Variants in DUSP6 observed in about 807,000 individuals in gnomAD.
The protein encoded by DUSP6 is dual specificity protein phosphatase 6.
Under a neutral mutation model 28.0 loss-of-function variants are expected in DUSP6, and 6 were observed. The observed-to-expected ratio is 0.21, with a 90% CI of 0.12 to 0.42. The LOEUF is 0.42. DUSP6 is among the 10% of genes least tolerant of loss of function. The pLI, the probability that DUSP6 is intolerant of heterozygous loss-of-function variation, is 1.00. For missense variants in DUSP6, 451 were observed against 498.1 expected, an observed-to-expected ratio of 0.91 and a Z score of 0.90; for synonymous variants, 252 against 217.5, an observed-to-expected ratio of 1.16 and a Z score of -1.40.
chr12:89,350,886 G>T lies in DUSP6; in HGVS notation c.540C>A (p.Ile180=). ...TGGGGTCTCGGTCAAGGTCAGACTC[G>T]ATGTCCGAGGAAGAGTCAGAGCTGA... The part of the protein sequence containing the change: ...LRISSDSSSD[I]ESDLDRDPNS... Residue 180 remains isoleucine (I), a synonymous_variant, in exon 2 of 3, where the codon ATC becomes ATA. Transcript: ENST00000279488. The T allele has an allele frequency of 6.2e-7, 1 of 1,613,952 alleles. No individual in the cohort carries two copies. Among genetic ancestry groups the T allele is most frequent in the South Asian group, 1.1e-5 (1 of 91,084 alleles).
rs1199891971 is a variant in DUSP6 at position 89,348,227 on chromosome 12, A to T, written c.*1027T>A. ...TGGGTACCCATGCTCACACACACAC[A>T]CTTCCAGTTTTATACAAATTTTTTT... On this transcript the variant is annotated 3_prime_UTR_variant, in exon 3 of 3. Transcript: ENST00000279488. 6.6e-6 allele frequency: 1 copy of T among 152,568 alleles called. No homozygotes were observed. The highest frequency in any genetic ancestry group is 2.4e-5 in the African/African-American group (1 of 41,416). The allele number at this position is 152,568 out of a possible 1,614,324, so 9.5% of individuals were successfully genotyped here. A position where few individuals can be genotyped will look rare whatever the true frequency, so the allele number is the denominator to read the frequency against.
In DUSP6 at chr12:89,352,242, G is replaced by A; in HGVS notation, c.-203C>T. 2.9e-6 allele frequency: 2 copies of A among 693,736 alleles called. No homozygotes were observed. Among genetic ancestry groups the A allele is most frequent in the Non-Finnish European group, 4.7e-6 (2 of 424,074 alleles). 43.0% of individuals were successfully genotyped at this position (693,736 alleles called of 1,614,324 possible). ...TCTCTGCACCCAGCTGCAGCCGCTG[G>A]CTCTTAGTGTCAATGAATCTCTCTC... On this transcript the variant is annotated 5_prime_UTR_variant, in exon 1 of 3. Transcript: ENST00000279488.
Position 89,351,820 on chromosome 12 carries a change from G to A in DUSP6, c.220C>T (p.Arg74Cys). 6.2e-7 allele frequency: 1 copy of A among 1,611,076 alleles called. No individual in the cohort carries two copies. Among genetic ancestry groups the A allele is most frequent in the Non-Finnish European group, 8.5e-7 (1 of 1,179,384 alleles). ...RRLQKGNLPV[R>C]ALFTRGEDRD... ...TCCTCGCCGCGCGTGAAGAGCGCGC[G>A]CACCGGCAGGTTACCCTTCTGCAGG... The change falls in exon 1 of 3, where the codon CGC becomes TGC. Residue 74 changes from arginine to cysteine, a missense_variant. By Grantham distance (180) the Arg-to-Cys change is radical. Transcript: ENST00000279488.
In DUSP6 at chr12:89,348,641, T is replaced by A. The variant is rs1879066689; in HGVS notation, c.*613A>T. On this transcript the variant is annotated 3_prime_UTR_variant, in exon 3 of 3. Coordinates refer to ENST00000279488, the MANE Select transcript of DUSP6 (RefSeq NM_001946.4). ...ATTTTCTTTTTTTGTTTTGTTCTGT[T>A]TTAAGAAGTGGCATACTGCTCTTTC... 1 of 152,662 alleles carries A rather than the reference T, an allele frequency of 6.6e-6. No individual in the cohort carries two copies. The highest frequency in any genetic ancestry group is 2.1e-4 in the South Asian group (1 of 4,838). 9.5% of individuals were successfully genotyped at this position (152,662 alleles called of 1,614,324 possible). A position where few individuals can be genotyped will look rare whatever the true frequency, so the allele number is the denominator to read the frequency against.
At chr12:89,351,105 C>G in intron 1 of DUSP6, 80 bp from the exon 2 acceptor site, 1 of 1,431,044 alleles carries the variant, frequency 7.0e-7, no homozygotes. Flanking sequence ...CAGCCCGGCG[C>G]AAGAAACACC....
In DUSP6 at chr12:89,352,048, A is replaced by G. The variant is rs777192674; in HGVS notation, c.-9T>C. On this transcript the variant is annotated 5_prime_UTR_variant, in exon 1 of 3. Transcript: ENST00000279488. ...CTGAGCGTATCTATCATGGGGGTCG[A>G]GCTGCGGGAGAGGGCGGGGTGCCTA... is the stretch of plus-strand genomic sequence containing the variant. 3 of 1,604,406 alleles carry G rather than the reference A, an allele frequency of 1.9e-6. No individual in the cohort carries two copies. Among genetic ancestry groups the G allele is most frequent in the Non-Finnish European group, 2.6e-6 (3 of 1,173,186 alleles).
intron 2 of DUSP6, among the ~76,000 whole-genome samples, chr12:89,350,044 T>C (rs78601602): frequency 0.061 from 9,233 of 152,220 alleles, 309 homozygotes; most frequent in Non-Finnish European, 0.079. Flanking sequence ...TAATAGGAAA[T>C]GCATTACAAT....
Position 89,350,999 on chromosome 12 carries a change from A to C in DUSP6, c.427T>G (p.Phe143Val). 6.2e-7 allele frequency: 1 copy of C among 1,603,450 alleles called. No individual in the cohort carries two copies. The highest frequency in any genetic ancestry group is 8.5e-7 in the Non-Finnish European group (1 of 1,176,428). Residue 143 changes from phenylalanine to valine, a missense_variant, in exon 2 of 3, where the codon TTC becomes GTC. Physicochemically the swap from Phe to Val is conservative, Grantham distance 50 (BLOSUM62 -1). Transcript: ENST00000279488. ...EGGFSKFQAE[F>V]SLHCETNLDG... ...AGATTGGTCTCGCAATGCAGGGAGA[A>C]CTCGGCTTGGAACTTACTGAAGCCA...
rs1638621708 is a variant in DUSP6, at chr12:89,349,004, G to A, written c.*250C>T. Reference sequence around the variant, plus strand: ...CGAATCCCAGTCCCTGCATGGGTAGGCTGTACACATGGGTACAGAGCAAAC... The same window carrying A: ...CGAATCCCAGTCCCTGCATGGGTAGACTGTACACATGGGTACAGAGCAAAC... On this transcript the variant is annotated 3_prime_UTR_variant, in exon 3 of 3. Coordinates refer to ENST00000279488, the MANE Select transcript of DUSP6 (RefSeq NM_001946.4). 1 of 454,392 alleles carries A rather than the reference G, an allele frequency of 2.2e-6. No individual in the cohort carries two copies. The highest frequency in any genetic ancestry group is 4.0e-6 in the Non-Finnish European group (1 of 252,874). 28.1% of individuals were successfully genotyped at this position (454,392 alleles called of 1,614,324 possible).
At position 89,352,332 on chromosome 12, in the gene DUSP6, G is replaced by T. The variant is rs183833024; in HGVS notation, c.-293C>A. ...ATGAAATCCAATTAATTCGGACTCCGTGCTACTGAGAGGGGAGGAAAAAAA... is the reference window on the plus strand; with the variant it reads ...ATGAAATCCAATTAATTCGGACTCCTTGCTACTGAGAGGGGAGGAAAAAAA... On this transcript the variant is annotated 5_prime_UTR_variant, in exon 1 of 3. Coordinates refer to ENST00000279488, the MANE Select transcript of DUSP6 (RefSeq NM_001946.4). The T allele has an allele frequency of 2.2e-6, 1 of 446,304 alleles. No individual in the cohort carries two copies. The highest frequency in any genetic ancestry group is 3.7e-5 in the Admixed American group (1 of 26,866). 27.6% of individuals were successfully genotyped at this position (446,304 alleles called of 1,614,324 possible). A position where few individuals can be genotyped will look rare whatever the true frequency, so the allele number is the denominator to read the frequency against.
In DUSP6 at chr12:89,349,446, A is replaced by G. The variant is rs704075; in HGVS notation, c.954T>C (p.Asp318=). 3,280 of 1,614,148 alleles carry G rather than the reference A, an allele frequency of 2.0e-3. 76 individuals carry two copies. In the African/African-American group the frequency reaches 0.038, roughly 19 times the overall value. The change falls in exon 3 of 3, where the codon GAT becomes GAC. Residue 318 remains aspartate (D), a synonymous_variant. Transcript: ENST00000279488. The part of the protein sequence containing the change: ...LMQKLNLSMN[D]AYDIVKMKKS... Reference sequence around the variant, plus strand: ...TTTTCATTTTGACAATGTCATAGGCATCGTTCATCGACAGATTGAGCTTCT... The same window carrying G: ...TTTTCATTTTGACAATGTCATAGGCGTCGTTCATCGACAGATTGAGCTTCT...
At position 89,348,531 on chromosome 12, in the gene DUSP6, T is replaced by C. The variant is rs74785244; in HGVS notation, c.*723A>G. 6.6e-6 allele frequency: 1 copy of C among 152,398 alleles called. No individual in the cohort carries two copies. The highest frequency in any genetic ancestry group is 1.5e-5 in the Non-Finnish European group (1 of 68,026). 9.4% of individuals were successfully genotyped at this position (152,398 alleles called of 1,614,324 possible). On this transcript the variant is annotated 3_prime_UTR_variant, in exon 3 of 3. Coordinates refer to ENST00000279488, the MANE Select transcript of DUSP6 (RefSeq NM_001946.4). ...AGACTTCGCCATAACAAGGTCTTAGTGATAATAGTGTCCGTAAAGATGTCA... is the reference window on the plus strand; with the variant it reads ...AGACTTCGCCATAACAAGGTCTTAGCGATAATAGTGTCCGTAAAGATGTCA...
In DUSP6 at chr12:89,349,010, C is replaced by T. The variant is rs1456824687; in HGVS notation, c.*244G>A. The T allele has an allele frequency of 2.1e-6, 1 of 474,452 alleles. No homozygotes were observed. Among genetic ancestry groups the T allele is most frequent in the South Asian group, 3.3e-5 (1 of 30,410 alleles). The allele number at this position is 474,452 out of a possible 1,614,324, so 29.4% of individuals were successfully genotyped here. On this transcript the variant is annotated 3_prime_UTR_variant, in exon 3 of 3. Transcript: ENST00000279488. ...CCAGTCCCTGCATGGGTAGGCTGTA[C>T]ACATGGGTACAGAGCAAACCTACTG...
chr12:89,351,166 C>T (rs113474752), intron 1 of DUSP6, 141 bp from the exon 2 acceptor site: 13 of 932,910 alleles, frequency 1.4e-5, no homozygotes, highest in African/African-American at 1.3e-4. Flanking sequence ...AAGAGAAACA[C>T]ACTTTAAATG....
In DUSP6 at chr12:89,349,055, T is replaced by C; in HGVS notation, c.*199A>G. The stretch of plus-strand genomic sequence containing the variant: ...CTACTGCCTGTATCTATACAGCATG[T>C]CCTGTTATTCCAAAGAGAATGGAGC... On this transcript the variant is annotated 3_prime_UTR_variant, in exon 3 of 3. Coordinates refer to ENST00000279488, the MANE Select transcript of DUSP6 (RefSeq NM_001946.4). 1 of 605,186 alleles carries C rather than the reference T, an allele frequency of 1.7e-6. No homozygotes were observed. The highest frequency in any genetic ancestry group is 2.9e-6 in the Non-Finnish European group (1 of 346,942). 37.5% of individuals were successfully genotyped at this position (605,186 alleles called of 1,614,324 possible).
chr12:89,352,332 G>C lies in DUSP6; in HGVS notation c.-293C>G, dbSNP rs183833024. ...ATGAAATCCAATTAATTCGGACTCC[G>C]TGCTACTGAGAGGGGAGGAAAAAAA... On this transcript the variant is annotated 5_prime_UTR_variant, in exon 1 of 3. Coordinates refer to ENST00000279488, the MANE Select transcript of DUSP6 (RefSeq NM_001946.4). 2.2e-6 allele frequency: 1 copy of C among 446,304 alleles called. No individual in the cohort carries two copies. The highest frequency in any genetic ancestry group is 2.0e-5 in the African/African-American group (1 of 51,148). 27.6% of individuals were successfully genotyped at this position (446,304 alleles called of 1,614,324 possible). A position where few individuals can be genotyped will look rare whatever the true frequency, so the allele number is the denominator to read the frequency against.
rs536864459 is a variant in DUSP6, at chr12:89,352,151, G to T, written c.-112C>A. 3.0e-5 allele frequency: 45 copies of T among 1,483,356 alleles called. No homozygotes were observed. The African/African-American group carries it at 5.3e-4, about 18-fold the overall frequency. 91.9% of individuals were successfully genotyped at this position (1,483,356 alleles called of 1,614,324 possible). ...CGCTCTCGGAGCGGGGTTTAATTCC[G>T]CCTCGCCTTACCCAAGCCGAGGCTA... On this transcript the variant is annotated 5_prime_UTR_variant, in exon 1 of 3. Transcript: ENST00000279488.
In DUSP6 at chr12:89,350,968, C is replaced by T. The variant is rs1186350472; in HGVS notation, c.458G>A (p.Gly153Asp). 1.9e-6 allele frequency: 3 copies of T among 1,612,458 alleles called. No individual in the cohort carries two copies. Among genetic ancestry groups the T allele is most frequent in the Admixed American group, 3.3e-5 (2 of 59,774 alleles). ...FSLHCETNLD[G>D]SCSSSSPPLP... ...CGGCGGCGAGCTGCTGCTACACGAG[C>T]CGTCTAGATTGGTCTCGCAATGCAG... is the stretch of plus-strand genomic sequence containing the variant. The change falls in exon 2 of 3, where the codon GGC (glycine) becomes GAC (aspartate). Residue 153 changes from glycine (G) to aspartate (D), a missense_variant. Gly to Asp is a moderately conservative substitution (Grantham distance 94). Transcript: ENST00000279488.
At position 89,350,807 on chromosome 12, in the gene DUSP6, G is replaced by T; in HGVS notation, c.619C>A (p.Pro207Thr). The T allele has an allele frequency of 6.2e-7, 1 of 1,614,104 alleles. No homozygotes were observed. Among genetic ancestry groups the T allele is most frequent in the South Asian group, 1.1e-5 (1 of 91,070 alleles). ...SPLSNSQPSF[P>T]VEILPFLYLG... The stretch of plus-strand genomic sequence containing the variant: ...TAGAGGAAGGGCAAGATCTCCACTG[G>T]GAAGGAAGGCTGGCTGTTGGACAGC... The change falls in exon 2 of 3, where the codon CCA (proline) becomes ACA (threonine). Residue 207 changes from proline (P) to threonine (T), a missense_variant. Physicochemically the swap from Pro to Thr is conservative, Grantham distance 38 (BLOSUM62 -1). Around this residue, in one of 2 missense-constraint regions of DUSP6, gnomAD observed 347 missense variants for 346.6 expected, o/e 1.00. Transcript: ENST00000279488.
Sources: gnomAD v4.1 joint callset for allele counts (sites outside exome capture counted in the v4.1 genomes callset) on GRCh38, gnomAD v4.1.1 for gene constraint, gnomAD v4.1.1 regional missense constraint, MANE v1.5 for transcripts, NCBI Gene and HGNC (gene_info 2026-07-23, HGNC 2026-07-21) for gene names.